Variants in COL24A1 observed in about 807,000 individuals in gnomAD.
COL24A1 encodes the protein collagen alpha-1(XXIV) chain.
A neutral mutation model predicts 253.9 loss-of-function variants in COL24A1; 224 were observed. The observed-to-expected ratio is 0.88, with a 90% confidence interval of 0.79 to 0.99. COL24A1 has a LOEUF of 0.99. Ranked by LOEUF, COL24A1 falls within the 50% of genes least tolerant of loss-of-function variation. The pLI, the probability that COL24A1 is intolerant of heterozygous loss-of-function variation, is 0.00. For synonymous variants in COL24A1, 685 were observed against 673.7 expected, an observed-to-expected ratio of 1.02 and a Z score of -0.26; for missense variants, 2,131 against 2,068.5, an observed-to-expected ratio of 1.03 and a Z score of -0.59.
chr1:86,040,621 CCTT>C (rs1699409104), intron 12 of COL24A1, among the ~76,000 whole-genome samples: 1 of 151,938 alleles, frequency 6.6e-6, no homozygotes, highest in Non-Finnish European at 1.5e-5. Context: ...CATTGGGTGT[CCTT>C]CTTCTTAGTG....
chr1:85,805,669 T>C (rs1671882988), intron 47 of COL24A1, among the ~76,000 whole-genome samples: 1 of 152,206 alleles, frequency 6.6e-6, no homozygotes, highest in Admixed American at 6.5e-5. Context: ...GCCTACCTCA[T>C]GGGGTTGTAA....
At chr1:85,748,574 G>A (rs932721992) in intron 55 of COL24A1, among the ~76,000 whole-genome samples, 4 of 151,660 alleles carry the variant, frequency 2.6e-5, no homozygotes, top group South Asian at 2.1e-4. Flanking sequence ...AGCTCCCAGC[G>A]TGAGCCACGC....
At chr1:86,035,995 TC>T (rs1698976558) in intron 12 of COL24A1, among the ~76,000 whole-genome samples, 1 of 152,102 alleles carries the variant, frequency 6.6e-6, no homozygotes, top group Non-Finnish European at 1.5e-5. Context: ...ATACTTACTT[TC>T]TACAACCAGC....
In COL24A1 at chr1:85,826,838, A is replaced by G. The variant is rs1255939719; in HGVS notation, c.3682-3100T>C. ...AGGAGATTTTGGGCTGAGACAATGG[A>G]GTTTTCTAGATATACAATCATGGCA... is the stretch of plus-strand genomic sequence containing the variant. On this transcript the variant is annotated intron_variant, in intron 43 of 59. Transcript: ENST00000370571. Among the ~76,000 whole-genome samples the G allele has an allele frequency of 4.6e-5, 7 of 152,198 alleles. No homozygotes were observed. The East Asian group carries it at 5.8e-4, about 13-fold the overall frequency.
intron 32 of COL24A1, among the ~76,000 whole-genome samples, chr1:85,880,699 G>A (rs1681732794): frequency 7.0e-6 from 1 of 142,562 alleles, no homozygotes. Context: ...AGCTGAGGAA[G>A]TGCCCCTTTA....
At chr1:85,740,774 C>T (rs1664525872) in intron 57 of COL24A1, among the ~76,000 whole-genome samples, 1 of 150,108 alleles carries the variant, frequency 6.7e-6, no homozygotes, top group African/African-American at 2.4e-5. Flanking sequence ...ACCTGGCCTG[C>T]CTTCTCTCTT....
chr1:86,072,443 T>G (rs990460324), intron 7 of COL24A1, among the ~76,000 whole-genome samples: 1 of 152,136 alleles, frequency 6.6e-6, no homozygotes, highest in African/African-American at 2.4e-5. Flanking sequence ...CTCTTTAGAT[T>G]CCTCCTCTCT....
At chr1:86,126,583 C>T (rs546960936) in intron 2 of COL24A1, among the ~76,000 whole-genome samples, 4 of 152,060 alleles carry the variant, frequency 2.6e-5, no homozygotes, top group African/African-American at 7.2e-5. Flanking sequence ...AAGGATCCTC[C>T]CACCTCAGCC....
Position 85,936,796 on chromosome 1 carries a change from T to C in COL24A1, c.2562+24453A>G, listed in dbSNP as rs150978456. Among the ~76,000 whole-genome samples, 94 of 147,416 alleles carry C rather than the reference T, an allele frequency of 6.4e-4. 12 individuals carry two copies. The East Asian group carries it at 0.012, about 19-fold the overall frequency. On this transcript the variant is annotated intron_variant, in intron 24 of 59. Transcript: ENST00000370571. ...ATGGGAAGATCACAGTGCAGGCTCCTGAGATTTTGTATCAAGGCTCTGCCA... is the reference window on the plus strand; with the variant it reads ...ATGGGAAGATCACAGTGCAGGCTCCCGAGATTTTGTATCAAGGCTCTGCCA...
chr1:86,014,603 T>TCTC (rs147923051), intron 19 of COL24A1, among the ~76,000 whole-genome samples: 44,567 of 141,200 alleles, frequency 0.32, 6,975 homozygotes, highest in Middle Eastern at 0.52. Flanking sequence ...ATCTCTTCCT[T>TCTC]CTCCTCCTCC....
At chr1:86,012,537 C>T (rs1696601523) in intron 19 of COL24A1, among the ~76,000 whole-genome samples, 1 of 152,058 alleles carries the variant, frequency 6.6e-6, no homozygotes, top group Non-Finnish European at 1.5e-5. Flanking sequence ...TGCAGTGAGC[C>T]GAGGTTGCAC....
chr1:85,758,245 T>C (rs1227813638), intron 55 of COL24A1, among the ~76,000 whole-genome samples: 1 of 148,226 alleles, frequency 6.7e-6, no homozygotes, highest in Non-Finnish European at 1.5e-5. Flanking sequence ...TGATAGAAGT[T>C]TTTGCTGATT....
chr1:86,035,872 CTG>C (rs1266417102), intron 12 of COL24A1, among the ~76,000 whole-genome samples: 116 of 152,176 alleles, frequency 7.6e-4, no homozygotes, highest in African/African-American at 2.5e-3. Flanking sequence ...GTGGGAGAAA[CTG>C]TTCTCTGGCT....
At chr1:85,896,638 C>T (rs1683766254) in intron 28 of COL24A1, among the ~76,000 whole-genome samples, 1 of 152,128 alleles carries the variant, frequency 6.6e-6, no homozygotes, top group Non-Finnish European at 1.5e-5. Flanking sequence ...GCTGGGACTA[C>T]AGGCGCTCGC....
At chr1:86,058,275 T>TA in intron 9 of COL24A1, among the ~76,000 whole-genome samples, 1 of 151,992 alleles carries the variant, frequency 6.6e-6, no homozygotes, top group Non-Finnish European at 1.5e-5. Context: ...TGTGTTGTTT[T>TA]AAAACATTTC....
intron 37 of COL24A1, among the ~76,000 whole-genome samples, chr1:85,857,008 G>T (rs1376000967): frequency 2.0e-5 from 3 of 152,018 alleles, no homozygotes; most frequent in Non-Finnish European, 4.4e-5. Context: ...GGTTTTGTTT[G>T]TCTGTTTGTT....
At chr1:85,739,834 A>G (rs373432822) in intron 57 of COL24A1, among the ~76,000 whole-genome samples, 1 of 152,008 alleles carries the variant, frequency 6.6e-6, no homozygotes, top group Admixed American at 6.5e-5. Context: ...TACTTTAACC[A>G]TTAACTTCCA....
chr1:86,015,144 T>C (rs547489907), intron 19 of COL24A1, among the ~76,000 whole-genome samples: 120 of 152,352 alleles, frequency 7.9e-4, no homozygotes, highest in African/African-American at 2.8e-3. Context: ...AAAAGTGTTG[T>C]CTCACATATA....
intron 5 of COL24A1, among the ~76,000 whole-genome samples, chr1:86,104,026 T>A (rs1487910015): frequency 6.6e-6 from 1 of 152,158 alleles, no homozygotes. Context: ...TACCAATGAG[T>A]CATAGATTTG....
Sources: allele counts gnomAD v4.1 joint callset (sites outside exome capture counted in the v4.1 genomes callset), GRCh38; gene constraint gnomAD v4.1.1; transcripts MANE v1.5; gene names NCBI Gene and HGNC (gene_info 2026-07-23, HGNC 2026-07-21).